TMEM175: variants seen among roughly 807,000 people sequenced by gnomAD.
The protein encoded by TMEM175 is transmembrane protein 175, also known as endosomal/lysosomal proton channel TMEM175.
A neutral mutation model predicts 36.5 loss-of-function variants in TMEM175; 36 were observed. That is an observed-to-expected ratio of 0.99 (90% confidence interval 0.76 to 1.30). The LOEUF (loss-of-function observed/expected upper bound fraction) is 1.30, where lower values mean the gene tolerates loss of function less well. Ranked by LOEUF, TMEM175 falls within the 50% of genes most tolerant of loss-of-function variation. The probability of loss-of-function intolerance (pLI) is 0.00; values close to 1 mark genes in which losing one functional copy is unlikely to be tolerated. For missense variants in TMEM175, 705 were observed against 692.8 expected (o/e 1.02, Z -0.20); for synonymous variants, 339 against 313.4 (o/e 1.08, Z -0.86).
intron 10 of TMEM175, among the ~76,000 whole-genome samples, chr4:957,345 G>A (rs1195559141): frequency 6.6e-6 from 1 of 152,242 alleles, no homozygotes; most frequent in East Asian, 1.9e-4. Context: ...CAGCCTCCCT[G>A]TGGAGGGAGT....
Position 952,563 on chromosome 4 carries a change from C to CTGTGTG in TMEM175, c.462+137_462+142dup, listed in dbSNP as rs147980248. The CTGTGTG allele has an allele frequency of 6.3e-3, 4,153 of 663,412 alleles. 15 individuals are homozygous for CTGTGTG. Among genetic ancestry groups the CTGTGTG allele is most frequent in the African/African-American group, 8.7e-3 (350 of 40,338 alleles). The allele number at this position is 663,412 out of a possible 1,614,324, so 41.1% of individuals were successfully genotyped here. ...AGGTAGGGGGCCCAGGGGGCCTGCA[C>CTGTGTG]TGTGTGTGTGTGTGTGTGTGTGTGT... On this transcript the variant is annotated intron_variant, in intron 7 of 10. Coordinates refer to ENST00000264771, the MANE Select transcript of TMEM175 (RefSeq NM_032326.4).
chr4:952,634 G>C (rs1181434047), intron 7 of TMEM175, among the ~76,000 whole-genome samples, 184 bp downstream of exon 7: 2 of 142,060 alleles, frequency 1.4e-5, no homozygotes, highest in African/African-American at 5.4e-5. Flanking sequence ...TGTGCTGTGT[G>C]TGTGTGTGTG....
Position 958,470 on chromosome 4 carries a change from T to C in TMEM175, c.1489T>C (p.Ser497Pro). Residue 497 changes from serine (S) to proline (P), a missense_variant, in exon 11 of 11, where the codon TCC becomes CCC. Physicochemically the swap from Ser to Pro is moderately conservative, Grantham distance 74. Transcript: ENST00000264771. ...PAPTGQDDPQ[S>P]QLLPAPC The stretch of plus-strand genomic sequence containing the variant: ...CCCCACGGGCCAGGACGACCCACAG[T>C]CCCAGCTCCTCCCTGCCCCCTGCTA... 6.4e-7 allele frequency: 1 copy of C among 1,558,536 alleles called. No homozygotes were observed. The highest frequency in any genetic ancestry group is 8.6e-7 in the Non-Finnish European group (1 of 1,157,912).
intron 1 of TMEM175, among the ~76,000 whole-genome samples, chr4:940,952 G>A (rs949463375): frequency 7.9e-5 from 12 of 151,372 alleles, no homozygotes; most frequent in Non-Finnish European, 1.5e-4. Context: ...GTTGCAGTGA[G>A]CCAAGATTGT....
At chr4:938,193 A>G (rs754700739) in intron 1 of TMEM175, among the ~76,000 whole-genome samples, 3 of 152,194 alleles carry the variant, frequency 2.0e-5, no homozygotes, top group Non-Finnish European at 4.4e-5. Flanking sequence ...ATTCTAGCCA[A>G]CGTGATGAGG....
chr4:954,191 G>A (rs1051469231), intron 8 of TMEM175, among the ~76,000 whole-genome samples: 2 of 151,892 alleles, frequency 1.3e-5, no homozygotes, highest in Non-Finnish European at 2.9e-5. Flanking sequence ...GTTTCACCAT[G>A]TTGGCCAGGC....
In TMEM175 at chr4:947,661, C is replaced by T. The variant is rs952045912; in HGVS notation, c.-31-48C>T. ...ACCAGGGCTGAGGCTGCATGGCCGA[C>T]CTCCAGGAGCGCCCCACAGGCACAC... On this transcript the variant is annotated intron_variant, in intron 1 of 10. Transcript: ENST00000264771. The T allele has an allele frequency of 1.0e-4, 155 of 1,501,002 alleles. 1 individual carries two copies. The South Asian group carries it at 1.8e-3, about 18-fold the overall frequency. The allele number at this position is 1,501,002 out of a possible 1,614,324, so 93.0% of individuals were successfully genotyped here.
At chr4:956,416 AGTC>A in intron 10 of TMEM175, 1 of 1,284,958 alleles carries the variant, frequency 7.8e-7, no homozygotes, top group South Asian at 1.2e-5. Flanking sequence ...GTCTCGTCTC[AGTC>A]GTCACGTTTT....
intron 3 of TMEM175, chr4:948,533 T>C (rs1281715187): frequency 2.2e-6 from 3 of 1,368,632 alleles, no homozygotes; most frequent in Admixed American, 2.2e-5. Flanking sequence ...GCAGGCCCCT[T>C]ACGTAGCTGC....
chr4:951,418 C>T (rs1248908101), intron 5 of TMEM175, among the ~76,000 whole-genome samples, 160 bp downstream of exon 5: 4 of 152,170 alleles, frequency 2.6e-5, no homozygotes, highest in Non-Finnish European at 4.4e-5. Flanking sequence ...ATCTTTCCCT[C>T]CCCATGGGTC....
rs961616434 is a variant in TMEM175, at chr4:957,744, T to C, written c.843-80T>C. ...AAAACGTGCCAGATCCAGGCAGCCC[T>C]GACAGGCGCTCAGCCACCCTGCTGG... On this transcript the variant is annotated intron_variant, in intron 10 of 10. Transcript: ENST00000264771. 4.9e-6 allele frequency: 7 copies of C among 1,429,266 alleles called. No individual in the cohort carries two copies. In the African/African-American group the frequency reaches 1.0e-4, roughly 20 times the overall value. 88.5% of individuals were successfully genotyped at this position (1,429,266 alleles called of 1,614,324 possible).
At chr4:947,317 A>G (rs1327923055) in intron 1 of TMEM175, among the ~76,000 whole-genome samples, 1 of 148,654 alleles carries the variant, frequency 6.7e-6, no homozygotes. Flanking sequence ...CGGGCCCTGT[A>G]GAGAACAGAC....
chr4:949,799 G>A (rs372867101), intron 3 of TMEM175, among the ~76,000 whole-genome samples: 2 of 145,662 alleles, frequency 1.4e-5, no homozygotes, highest in East Asian at 3.9e-4. Context: ...CTTCCACAGA[G>A]ACCCTTTCCC....
chr4:954,143 C>G (rs1182950660), intron 8 of TMEM175, among the ~76,000 whole-genome samples: 1 of 152,058 alleles, frequency 6.6e-6, no homozygotes. Flanking sequence ...TGCCTGCCAC[C>G]ACCCTCAGCT....
In TMEM175 at chr4:956,259, G is replaced by GT. The variant is rs1305841442; in HGVS notation, c.842+370dup. 6 of 1,231,290 alleles carry GT rather than the reference G, an allele frequency of 4.9e-6. No individual in the cohort carries two copies. The South Asian group carries it at 5.6e-5, about 11-fold the overall frequency. The allele number at this position is 1,231,290 out of a possible 1,614,324, so 76.3% of individuals were successfully genotyped here. ...CCTGCCCCAACACCAGCCCCTCCTA[G>GT]TCCCTAGTCCCTCCCATTCCCTCCG... On this transcript the variant is annotated intron_variant, in intron 10 of 10. Coordinates refer to ENST00000264771, the MANE Select transcript of TMEM175 (RefSeq NM_032326.4).
Position 951,271 on chromosome 4 carries a change from C to A in TMEM175, c.342+13C>A. The A allele has an allele frequency of 6.2e-7, 1 of 1,613,982 alleles. No homozygotes were observed. The highest frequency in any genetic ancestry group is 8.5e-7 in the Non-Finnish European group (1 of 1,179,942). On this transcript the variant is annotated intron_variant, in intron 5 of 10. Coordinates refer to ENST00000264771, the MANE Select transcript of TMEM175 (RefSeq NM_032326.4). ...CCTGCTCAACCTGGTGAGTATTTTC[C>A]GGTCCTTTTCTGGGGAGTGACTCTG... is the stretch of plus-strand genomic sequence containing the variant.
intron 1 of TMEM175, among the ~76,000 whole-genome samples, chr4:943,441 G>A (rs575831915): frequency 5.3e-5 from 8 of 152,208 alleles, no homozygotes; most frequent in African/African-American, 1.9e-4. Context: ...TAGTAGAGAT[G>A]GGGTTTCACC....
chr4:947,675 C>A, intron 1 of TMEM175, 34 bp from the exon 2 acceptor site: 1 of 1,539,844 alleles, frequency 6.5e-7, no homozygotes, highest in South Asian at 1.2e-5. Flanking sequence ...CAGGAGCGCC[C>A]CACAGGCACA....
intron 1 of TMEM175, among the ~76,000 whole-genome samples, chr4:934,071 A>C (rs1178202688): frequency 6.6e-6 from 1 of 152,262 alleles, no homozygotes; most frequent in Non-Finnish European, 1.5e-5. Context: ...CAGGGCCAAC[A>C]AGTGATACAA....
Sources: allele counts gnomAD v4.1 joint callset (sites outside exome capture counted in the v4.1 genomes callset), GRCh38; gene constraint gnomAD v4.1.1; transcripts MANE v1.5; gene names NCBI Gene and HGNC (gene_info 2026-07-23, HGNC 2026-07-21).